Variants in RBFOX1 observed in about 807,000 individuals in gnomAD.
The protein encoded by RBFOX1 is RNA binding fox-1 homolog 1.
Under a neutral mutation model 57.7 loss-of-function variants are expected in RBFOX1, and 8 were observed. The ratio of observed to expected loss-of-function variants is 0.14; its 90% CI spans 0.08 to 0.25. The LOEUF (loss-of-function observed/expected upper bound fraction) is 0.25. Ranked by LOEUF, RBFOX1 falls within the 10% of genes least tolerant of loss-of-function variation. The probability of loss-of-function intolerance (pLI) is 1.00; values close to 1 mark genes in which losing one functional copy is unlikely to be tolerated. For missense variants in RBFOX1, 611 were observed against 548.5 expected (o/e 1.11, Z -1.14); for synonymous variants, 326 against 222.4 (o/e 1.47, Z -4.15).
intron 2 of RBFOX1, among the ~76,000 whole-genome samples, chr16:5,491,002 G>A (rs574724742): frequency 1.3e-5 from 2 of 152,050 alleles, no homozygotes; most frequent in Admixed American, 6.6e-5. Context: ...AACCAAATGC[G>A]CAATTACTGA....
intron 4 of RBFOX1, among the ~76,000 whole-genome samples, chr16:7,475,862 T>C (rs1287930603): frequency 6.6e-6 from 1 of 152,222 alleles, no homozygotes; most frequent in Non-Finnish European, 1.5e-5. Context: ...GTAGCATTTA[T>C]TTGGTGCTTA....
intron 3 of RBFOX1, among the ~76,000 whole-genome samples, chr16:5,738,022 C>T (rs1293215110): frequency 6.6e-6 from 1 of 151,444 alleles, no homozygotes; most frequent in East Asian, 2.0e-4. Flanking sequence ...CCACCCCCTC[C>T]AGGCACCAGT....
chr16:5,269,166 C>G (rs991002265), intron 1 of RBFOX1, among the ~76,000 whole-genome samples: 2 of 152,246 alleles, frequency 1.3e-5, no homozygotes, highest in Non-Finnish European at 2.9e-5. Context: ...ATACACCCAC[C>G]TTGGTCTCCC....
chr16:5,371,982 C>A (rs1211299451), intron 1 of RBFOX1, among the ~76,000 whole-genome samples: 1 of 152,140 alleles, frequency 6.6e-6, no homozygotes, highest in African/African-American at 2.4e-5. Flanking sequence ...GATGAAGTGG[C>A]AAAGAGAGCT....
intron 3 of RBFOX1, among the ~76,000 whole-genome samples, chr16:6,662,695 C>A (rs1458914330): frequency 6.6e-6 from 1 of 152,064 alleles, no homozygotes. Context: ...AACATTTGAT[C>A]ATCTACCTTT....
chr16:5,676,960 A>C (rs1286024805), intron 3 of RBFOX1, among the ~76,000 whole-genome samples: 2 of 152,230 alleles, frequency 1.3e-5, no homozygotes, highest in African/African-American at 4.8e-5. Flanking sequence ...AACCAACCTG[A>C]GGTAGCAAGT....
intron 1 of RBFOX1, among the ~76,000 whole-genome samples, chr16:5,336,119 T>C (rs2151285202): frequency 6.6e-6 from 1 of 152,236 alleles, no homozygotes; most frequent in Admixed American, 6.5e-5. Context: ...ATTGTGCTTT[T>C]TTGGCTCGGA....
chr16:5,839,740 G>A (rs2056568911), intron 3 of RBFOX1, among the ~76,000 whole-genome samples: 1 of 152,142 alleles, frequency 6.6e-6, no homozygotes, highest in African/African-American at 2.4e-5. Context: ...CATTGCTCCA[G>A]GCATCACAAC....
intron 3 of RBFOX1, among the ~76,000 whole-genome samples, chr16:6,857,567 A>C (rs1318534480): frequency 2.0e-5 from 3 of 152,194 alleles, no homozygotes; most frequent in African/African-American, 7.2e-5. Context: ...GGCTGCTTCA[A>C]GCCTCCCAAA....
chr16:6,871,222 G>A (rs1354556801), intron 3 of RBFOX1, among the ~76,000 whole-genome samples: 2 of 152,184 alleles, frequency 1.3e-5, no homozygotes, highest in East Asian at 1.9e-4. Flanking sequence ...GTGTTGCTCT[G>A]TCCCCCAGGC....
intron 4 of RBFOX1, among the ~76,000 whole-genome samples, chr16:5,892,832 G>A (rs1003774118): frequency 4.6e-5 from 7 of 152,160 alleles, no homozygotes; most frequent in African/African-American, 1.4e-4. Context: ...TGCAGAGTGC[G>A]CTGGAGCTGA....
At chr16:6,238,266 G>T (rs1268014080) in intron 1 of RBFOX1, among the ~76,000 whole-genome samples, 1 of 152,042 alleles carries the variant, frequency 6.6e-6, no homozygotes, top group Admixed American at 6.6e-5. Context: ...TATAATGAAG[G>T]TTTTTAACTT....
At position 7,455,362 on chromosome 16, in the gene RBFOX1, T is replaced by C. The variant is rs573499233; in HGVS notation, c.28-62785T>C. On this transcript the variant is annotated intron_variant, in intron 4 of 15. Coordinates refer to ENST00000550418, the MANE Select transcript of RBFOX1 (RefSeq NM_018723.4). ...TGTGGAATGCATGTGCATGTATGTC[T>C]CTGTGCACATGCATGATAGGTTTCT... Among the ~76,000 whole-genome samples, 9 of 152,344 alleles carry C rather than the reference T, an allele frequency of 5.9e-5. No individual in the cohort carries two copies. In the South Asian group the frequency reaches 1.9e-3, roughly 32 times the overall value.
chr16:6,076,355 C>G (rs2095901018), intron 1 of RBFOX1, among the ~76,000 whole-genome samples: 1 of 151,778 alleles, frequency 6.6e-6, no homozygotes, highest in Admixed American at 6.6e-5. Context: ...CATACACACA[C>G]ACACACCCCA....
chr16:6,555,074 C>G (rs923708397), intron 2 of RBFOX1, among the ~76,000 whole-genome samples: 10 of 152,162 alleles, frequency 6.6e-5, no homozygotes, highest in African/African-American at 2.4e-4. Flanking sequence ...AAAATTCTTG[C>G]ACATGGAAAC....
At chr16:5,310,933 C>T (rs1484525803) in intron 1 of RBFOX1, among the ~76,000 whole-genome samples, 3 of 152,118 alleles carry the variant, frequency 2.0e-5, no homozygotes, top group Non-Finnish European at 4.4e-5. Context: ...GATTTTAGTG[C>T]ACCTATCACC....
intron 1 of RBFOX1, among the ~76,000 whole-genome samples, chr16:5,303,708 C>G (rs867498376): frequency 6.6e-6 from 1 of 151,756 alleles, no homozygotes; most frequent in Non-Finnish European, 1.5e-5. Flanking sequence ...CTCCATTCCT[C>G]TTCATTTTTT....
chr16:5,729,795 G>T (rs1410491529), intron 3 of RBFOX1, among the ~76,000 whole-genome samples: 1 of 152,166 alleles, frequency 6.6e-6, no homozygotes, highest in Non-Finnish European at 1.5e-5. Context: ...GTGTTAAGGT[G>T]AATAGCAAGG....
chr16:6,649,648 G>A (rs543850297), intron 2 of RBFOX1, among the ~76,000 whole-genome samples: 3 of 152,268 alleles, frequency 2.0e-5, no homozygotes, highest in Admixed American at 2.0e-4. Context: ...GTTTCACTTA[G>A]AATAATGGTC....
Sources: gnomAD v4.1 joint callset for allele counts (sites outside exome capture counted in the v4.1 genomes callset) on GRCh38, gnomAD v4.1.1 for gene constraint, MANE v1.5 for transcripts, NCBI Gene and HGNC (gene_info 2026-07-23, HGNC 2026-07-21) for gene names.